Variants in LYPD6 observed in about 807,000 individuals in gnomAD.
LYPD6 encodes ly6/PLAUR domain-containing protein 6.
LYPD6 carries 15 observed loss-of-function variants against 22.7 expected under a neutral mutation model. That is an observed-to-expected ratio of 0.66 (90% CI 0.44 to 1.02). The LOEUF (loss-of-function observed/expected upper bound fraction) is 1.02, where lower values mean the gene tolerates loss of function less well. LYPD6 is among the 50% of genes least tolerant of loss of function. LYPD6 has a pLI of 0.00. For synonymous variants in LYPD6, 72 were observed against 77.5 expected (o/e 0.93, Z 0.37); for missense variants, 189 against 208.4 (o/e 0.91, Z 0.57).
chr2:149,387,162 A>G (rs934327902), intron 1 of LYPD6, among the ~76,000 whole-genome samples: 1 of 152,236 alleles, frequency 6.6e-6, no homozygotes, highest in Non-Finnish European at 1.5e-5. Flanking sequence ...GAGATCCTCT[A>G]TTTTTATATA....
At chr2:149,349,939 A>C (rs2105057600) in intron 1 of LYPD6, among the ~76,000 whole-genome samples, 1 of 151,974 alleles carries the variant, frequency 6.6e-6, no homozygotes, top group Admixed American at 6.6e-5. Flanking sequence ...CAATTTCATT[A>C]AACCTGAAAA....
intron 1 of LYPD6, among the ~76,000 whole-genome samples, chr2:149,372,716 A>G (rs770174818): frequency 6.6e-6 from 1 of 152,218 alleles, no homozygotes; most frequent in Non-Finnish European, 1.5e-5. Flanking sequence ...CATTGTAATA[A>G]AGGCTAGGAT....
At chr2:149,387,712 T>C (rs1262209621) in intron 1 of LYPD6, among the ~76,000 whole-genome samples, 5 of 152,110 alleles carry the variant, frequency 3.3e-5, no homozygotes, top group African/African-American at 1.2e-4. Flanking sequence ...GCAAGGGGAA[T>C]AGGTCAGACA....
At chr2:149,356,085 C>CTTTT (rs75939577) in intron 1 of LYPD6, among the ~76,000 whole-genome samples, 1 of 144,070 alleles carries the variant, frequency 6.9e-6, no homozygotes, top group Non-Finnish European at 1.5e-5. Context: ...TCTTTTCCCA[C>CTTTT]TTTTTTTTTT....
chr2:149,332,283 A>C (rs1241461697), intron 1 of LYPD6, among the ~76,000 whole-genome samples: 1 of 152,228 alleles, frequency 6.6e-6, no homozygotes, highest in African/African-American at 2.4e-5. Flanking sequence ...AGCTTGTTAA[A>C]AATTGTGAAA....
At chr2:149,336,528 G>A (rs931228299) in intron 1 of LYPD6, among the ~76,000 whole-genome samples, 1 of 152,084 alleles carries the variant, frequency 6.6e-6, no homozygotes, top group African/African-American at 2.4e-5. Context: ...AAAAAGTGTA[G>A]GTTATAAAAC....
intron 1 of LYPD6, among the ~76,000 whole-genome samples, chr2:149,356,676 G>A (rs1681456685): frequency 6.6e-6 from 1 of 152,170 alleles, no homozygotes; most frequent in South Asian, 2.1e-4. Context: ...CATGCAGGAG[G>A]AAGTGGCAAC....
intron 3 of LYPD6, 35 bp from the exon 4 acceptor site, chr2:149,468,610 A>T: frequency 6.2e-7 from 1 of 1,603,228 alleles, no homozygotes. Context: ...TTTGGTCAAC[A>T]TTTCCCATCT....
intron 1 of LYPD6, among the ~76,000 whole-genome samples, chr2:149,407,229 A>T (rs1682735984): frequency 6.6e-6 from 1 of 152,050 alleles, no homozygotes; most frequent in South Asian, 2.1e-4. Flanking sequence ...GCTCTTCTGG[A>T]GGAGTATCTT....
At chr2:149,408,254 T>C (rs919039907) in intron 1 of LYPD6, among the ~76,000 whole-genome samples, 60 of 152,300 alleles carry the variant, frequency 3.9e-4, no homozygotes, top group Admixed American at 1.6e-3. Context: ...AGAACCACTG[T>C]TCTCCTCAAA....
intron 3 of LYPD6, among the ~76,000 whole-genome samples, chr2:149,452,050 A>G (rs1350975459): frequency 1.3e-5 from 2 of 152,220 alleles, no homozygotes; most frequent in Non-Finnish European, 2.9e-5. Flanking sequence ...CAGTAGCTCT[A>G]CAACTTGGAA....
At chr2:149,448,969 A>G in intron 2 of LYPD6, 80 bp from the exon 3 acceptor site, 2 of 1,116,564 alleles carry the variant, frequency 1.8e-6, no homozygotes, top group East Asian at 2.6e-5. Flanking sequence ...CCTTTCTTTA[A>G]AATAATGAAA....
intron 1 of LYPD6, among the ~76,000 whole-genome samples, chr2:149,346,330 G>T (rs1023390580): frequency 7.9e-5 from 12 of 152,136 alleles, no homozygotes; most frequent in African/African-American, 2.9e-4. Context: ...CTGAACACAT[G>T]TGTCTGTGCA....
downstream of LYPD6, among the ~76,000 whole-genome samples, chr2:149,478,267 C>T (rs1353423193): frequency 6.6e-6 from 1 of 152,126 alleles, no homozygotes; most frequent in African/African-American, 2.4e-5. Context: ...ATGATTTTCA[C>T]TAGGGTCCTC....
At chr2:149,438,307 A>T (rs929616004) in intron 2 of LYPD6, among the ~76,000 whole-genome samples, 1 of 152,238 alleles carries the variant, frequency 6.6e-6, no homozygotes, top group African/African-American at 2.4e-5. Flanking sequence ...AATGCTTAAT[A>T]ACATAGATGC....
rs546914669 is a variant in LYPD6 at position 149,447,501 on chromosome 2, A to C, written c.119-1548A>C. On this transcript the variant is annotated intron_variant, in intron 2 of 4. Coordinates refer to ENST00000334166, the MANE Select transcript of LYPD6 (RefSeq NM_194317.5). ...CCCCCAGCATCTAGCTTCTATGGAC[A>C]TGGGTCCGAAAGGCACCTGAAGAGG... 7.2e-5 allele frequency among the ~76,000 whole-genome samples: 11 copies of C among 152,314 alleles called. No individual in the cohort carries two copies. The East Asian group carries it at 1.9e-3, about 27-fold the overall frequency.
chr2:149,388,180 C>CTCT (rs1378856196), intron 1 of LYPD6, among the ~76,000 whole-genome samples: 5 of 42,960 alleles, frequency 1.2e-4, no homozygotes, highest in African/African-American at 1.9e-4. Context: ...CTCTCTCTCT[C>CTCT]TTTTTTTTTT....
intron 1 of LYPD6, among the ~76,000 whole-genome samples, chr2:149,406,699 G>C (rs1306280524): frequency 1.3e-5 from 2 of 152,118 alleles, no homozygotes; most frequent in Non-Finnish European, 2.9e-5. Context: ...TTGCCAGTCT[G>C]TGTCTTTTAA....
intron 1 of LYPD6, among the ~76,000 whole-genome samples, chr2:149,414,625 T>A (rs1682922932): frequency 1.3e-5 from 2 of 152,212 alleles, no homozygotes; most frequent in African/African-American, 4.8e-5. Context: ...TGAACCTTCA[T>A]AACTAGCACA....
Sources: gnomAD v4.1 joint callset for allele counts (sites outside exome capture counted in the v4.1 genomes callset) on GRCh38, gnomAD v4.1.1 for gene constraint, MANE v1.5 for transcripts, NCBI Gene and HGNC (gene_info 2026-07-23, HGNC 2026-07-21) for gene names.